Variants in KCNQ5 observed in about 807,000 individuals in gnomAD.
The protein encoded by KCNQ5 is potassium voltage-gated channel subfamily KQT member 5.
KCNQ5 carries 30 observed loss-of-function variants against 98.2 expected under a neutral mutation model. That is an observed-to-expected ratio of 0.31 (90% CI 0.23 to 0.41). The LOEUF is 0.41. KCNQ5 is among the 10% of genes least tolerant of loss of function. The probability of loss-of-function intolerance (pLI) is 1.00; values close to 1 mark genes in which losing one functional copy is unlikely to be tolerated. For synonymous variants in KCNQ5, 458 were observed against 449.4 expected (o/e 1.02, Z -0.24); for missense variants, 835 against 1,182.5 (o/e 0.71, Z 4.31).
At chr6:73,118,237 A>T (rs993162949) in intron 7 of KCNQ5, among the ~76,000 whole-genome samples, 1 of 152,182 alleles carries the variant, frequency 6.6e-6, no homozygotes, top group Non-Finnish European at 1.5e-5. Context: ...AGCGTAGAAT[A>T]GTTTTCCCTG....
intron 1 of KCNQ5, among the ~76,000 whole-genome samples, chr6:72,813,683 T>G (rs530066962): frequency 6.6e-6 from 1 of 152,264 alleles, no homozygotes; most frequent in East Asian, 1.9e-4. Context: ...GGTGCTTAAG[T>G]CCCCGATATA....
At chr6:72,719,018 C>A (rs1769809519) in intron 1 of KCNQ5, among the ~76,000 whole-genome samples, 1 of 152,088 alleles carries the variant, frequency 6.6e-6, no homozygotes, top group South Asian at 2.1e-4. Context: ...TTATATTTAG[C>A]ATTTATTTAT....
chr6:73,134,128 C>A, intron 10 of KCNQ5: 1 of 368,920 alleles, frequency 2.7e-6, no homozygotes, highest in South Asian at 2.1e-5. Flanking sequence ...GAGACCACTG[C>A]TTATCTTCCT....
intron 1 of KCNQ5, among the ~76,000 whole-genome samples, chr6:72,956,211 A>T (rs1376723111): frequency 6.6e-6 from 1 of 152,178 alleles, no homozygotes; most frequent in African/African-American, 2.4e-5. Flanking sequence ...CAACATCTTT[A>T]TTTTACATAT....
At position 73,143,041 on chromosome 6, in the gene KCNQ5, A is replaced by G. The variant is rs148672329; in HGVS notation, c.1468+9400A>G. ...ATGTATGGCCCCTCTTCAGCTTTTC[A>G]AGAGGTTGAAGATATGTTCTTGGTT... On this transcript the variant is annotated intron_variant, in intron 10 of 13. Transcript: ENST00000370398. Among the ~76,000 whole-genome samples the G allele has an allele frequency of 7.1e-3, 1,085 of 152,292 alleles. 11 individuals carry two copies. The highest frequency in any genetic ancestry group is 0.024 in the African/African-American group (1,013 of 41,542).
chr6:72,637,308 TC>T (rs537048433), intron 1 of KCNQ5, among the ~76,000 whole-genome samples: 25 of 152,180 alleles, frequency 1.6e-4, no homozygotes, highest in Admixed American at 1.0e-3. Context: ...ACTTTAAGCT[TC>T]TAATATTGTT....
intron 1 of KCNQ5, among the ~76,000 whole-genome samples, chr6:72,747,385 G>C (rs1771457759): frequency 6.6e-6 from 1 of 151,916 alleles, no homozygotes; most frequent in South Asian, 2.1e-4. Flanking sequence ...TTTATTTTAT[G>C]CATTTTAAAA....
At chr6:72,671,092 G>A (rs745875026) in intron 1 of KCNQ5, among the ~76,000 whole-genome samples, 3 of 152,190 alleles carry the variant, frequency 2.0e-5, no homozygotes, top group Admixed American at 6.5e-5. Context: ...TTTAACGCCC[G>A]TATTTCTACC....
rs190193473 is a variant in KCNQ5 at position 72,763,388 on chromosome 6, G to A, written c.398+140801G>A. On this transcript the variant is annotated intron_variant, in intron 1 of 13. Transcript: ENST00000370398. The stretch of plus-strand genomic sequence containing the variant: ...TTACAGGTTCAAGAACCTATTTTTC[G>A]TCTTTCTCCCACACATAGACTCATC... Among the ~76,000 whole-genome samples the A allele has an allele frequency of 1.3e-4, 19 of 151,940 alleles. No individual in the cohort carries two copies. In the East Asian group the frequency reaches 3.1e-3, roughly 25 times the overall value.
chr6:73,194,724 C>A lies in KCNQ5; in HGVS notation c.2109C>A (p.Tyr703Ter). ...ATGAGTTCAGTGCCCAGACTTTCTACGCGCTTAGCCCTACTATGCACAGTC... is the reference window on the plus strand; with the variant it reads ...ATGAGTTCAGTGCCCAGACTTTCTAAGCGCTTAGCCCTACTATGCACAGTC... ...TPNEFSAQTF[Y>*]ALSPTMHSQA... The change falls in exon 14 of 14, where the codon TAC (tyrosine) becomes TAA (stop). Residue 703 changes from tyrosine (Y) to a stop codon, truncating the protein, a stop_gained. Coordinates refer to ENST00000370398, the MANE Select transcript of KCNQ5 (RefSeq NM_019842.4). LOFTEE classifies it high-confidence loss of function. The A allele has an allele frequency of 6.2e-7, 1 of 1,614,250 alleles. No homozygotes were observed.
At chr6:72,771,100 C>A (rs914111613) in intron 1 of KCNQ5, among the ~76,000 whole-genome samples, 1 of 152,048 alleles carries the variant, frequency 6.6e-6, no homozygotes, top group Non-Finnish European at 1.5e-5. Context: ...AAGGAGTGGG[C>A]AGCCTTCTGG....
chr6:72,671,352 A>G (rs573571648), intron 1 of KCNQ5, among the ~76,000 whole-genome samples: 1 of 152,316 alleles, frequency 6.6e-6, no homozygotes, highest in Admixed American at 6.5e-5. Flanking sequence ...TGGAAGGCGT[A>G]GATGTGTTTA....
At chr6:73,050,065 G>GTAA (rs1360044333) in intron 3 of KCNQ5, among the ~76,000 whole-genome samples, 1 of 151,906 alleles carries the variant, frequency 6.6e-6, no homozygotes, top group Non-Finnish European at 1.5e-5. Flanking sequence ...AAAAAAAACT[G>GTAA]TAATAGCTGG....
At chr6:72,811,056 T>C (rs1775218287) in intron 1 of KCNQ5, among the ~76,000 whole-genome samples, 1 of 152,208 alleles carries the variant, frequency 6.6e-6, no homozygotes, top group African/African-American at 2.4e-5. Context: ...AACTCATGCA[T>C]GGCATCATTG....
rs1383767984 is a variant in KCNQ5, at chr6:72,845,665, T to A, written c.399-158243T>A. ...AGTCATGTTACGGTCACTGATGCAG[T>A]TACCTTGATAAATCTGTGAAGGTGT... is the stretch of plus-strand genomic sequence containing the variant. On this transcript the variant is annotated intron_variant, in intron 1 of 13. Coordinates refer to ENST00000370398, the MANE Select transcript of KCNQ5 (RefSeq NM_019842.4). Among the ~76,000 whole-genome samples the A allele has an allele frequency of 2.0e-5, 3 of 152,216 alleles. No homozygotes were observed. In the East Asian group the frequency reaches 5.8e-4, roughly 29 times the overall value.
intron 10 of KCNQ5, among the ~76,000 whole-genome samples, chr6:73,155,431 T>C (rs1202261003): frequency 6.6e-6 from 1 of 151,992 alleles, no homozygotes; most frequent in African/African-American, 2.4e-5. Context: ...TGGATGAGGG[T>C]GTGTAGACGA....
intron 3 of KCNQ5, among the ~76,000 whole-genome samples, chr6:73,072,667 A>G (rs903792028): frequency 6.6e-6 from 1 of 152,158 alleles, no homozygotes; most frequent in African/African-American, 2.4e-5. Context: ...TCATTATGGT[A>G]TTTATTTTGT....
At chr6:72,648,384 C>T (rs1410764) in intron 1 of KCNQ5, among the ~76,000 whole-genome samples, 22,899 of 152,086 alleles carry the variant, frequency 0.15, 1,851 homozygotes, top group East Asian at 0.22. Flanking sequence ...CTGGCAGTGT[C>T]ATTGTATAGG....
intron 10 of KCNQ5, among the ~76,000 whole-genome samples, chr6:73,160,762 G>A (rs1777588152): frequency 6.6e-6 from 1 of 152,166 alleles, no homozygotes; most frequent in African/African-American, 2.4e-5. Flanking sequence ...TACAACCAGT[G>A]GTCTTTGCCC....
Sources: gnomAD v4.1 joint callset for allele counts (sites outside exome capture counted in the v4.1 genomes callset) on GRCh38, gnomAD v4.1.1 for gene constraint, MANE v1.5 for transcripts, NCBI Gene and HGNC (gene_info 2026-07-23, HGNC 2026-07-21) for gene names.